Variants in CDC14A observed in about 807,000 individuals in gnomAD.
CDC14A encodes the protein dual specificity protein phosphatase CDC14A.
Under a neutral mutation model 74.4 loss-of-function variants are expected in CDC14A, and 53 were observed. The ratio of observed to expected loss-of-function variants is 0.71; its 90% CI spans 0.57 to 0.89. The LOEUF is 0.89. CDC14A is among the 40% of genes least tolerant of loss of function. CDC14A has a pLI of 0.00. For missense variants in CDC14A, 646 were observed against 713.7 expected (o/e 0.91, Z 1.08); for synonymous variants, 247 against 258.4 (o/e 0.96, Z 0.43).
chr1:100,469,660 A>G (rs1168949940), intron 10 of CDC14A, among the ~76,000 whole-genome samples: 2 of 152,186 alleles, frequency 1.3e-5, no homozygotes, highest in African/African-American at 4.8e-5. Context: ...ATGTCTTAAA[A>G]TTATTGCTTG....
chr1:100,352,673 C>T lies in CDC14A; in HGVS notation c.-282C>T. The T allele has an allele frequency of 7.7e-7, 1 of 1,293,914 alleles. No individual in the cohort carries two copies. The highest frequency in any genetic ancestry group is 9.8e-7 in the Non-Finnish European group (1 of 1,021,986). 80.2% of individuals were successfully genotyped at this position (1,293,914 alleles called of 1,614,324 possible). A position where few individuals can be genotyped will look rare whatever the true frequency, so the allele number is the denominator to read the frequency against. ...CTGCGTTTCCCAGGCGCGGCGGCGG[C>T]GGAGCAGCAGCTGCAGCAGCCGAGT... On this transcript the variant is annotated 5_prime_UTR_variant, in exon 1 of 16. Transcript: ENST00000336454.
intron 4 of CDC14A, among the ~76,000 whole-genome samples, chr1:100,395,222 A>G (rs990174678): frequency 6.6e-6 from 1 of 152,208 alleles, no homozygotes; most frequent in African/African-American, 2.4e-5. Flanking sequence ...GAGTTTCCTT[A>G]TCTGCTTCAC....
intron 1 of CDC14A, among the ~76,000 whole-genome samples, chr1:100,353,276 C>G (rs1291279052): frequency 6.6e-6 from 1 of 152,250 alleles, no homozygotes; most frequent in East Asian, 1.9e-4. Flanking sequence ...CACTCAGCAG[C>G]TCATGGGGAG....
intron 4 of CDC14A, among the ~76,000 whole-genome samples, chr1:100,416,455 A>G (rs559910401): frequency 5.6e-4 from 85 of 152,336 alleles, no homozygotes; most frequent in Non-Finnish European, 1.0e-3. Flanking sequence ...GGATGTTGAT[A>G]CTAAGGCATC....
At chr1:100,455,717 T>C (rs1038559511) in intron 8 of CDC14A, among the ~76,000 whole-genome samples, 1 of 152,230 alleles carries the variant, frequency 6.6e-6, no homozygotes, top group Non-Finnish European at 1.5e-5. Flanking sequence ...TTGCCATAAA[T>C]AGGATGTTCA....
Position 100,516,096 on chromosome 1 carries a change from G to T in CDC14A, c.1756-2155G>T, listed in dbSNP as rs575922933. ...GAGCCTAGATTAAACACCAGCCAGA[G>T]TTTTTGAGCTCTGTGGAAGTAAAGG... On this transcript the variant is annotated intron_variant, in intron 15 of 15. Coordinates refer to ENST00000336454, the MANE Select transcript of CDC14A (RefSeq NM_003672.4). Among the ~76,000 whole-genome samples, 25 of 152,318 alleles carry T rather than the reference G, an allele frequency of 1.6e-4. 1 individual carries two copies. Among genetic ancestry groups the T allele is most frequent in the Admixed American group, 9.1e-4 (14 of 15,304 alleles).
intron 13 of CDC14A, among the ~76,000 whole-genome samples, chr1:100,497,267 G>A (rs1178848603): frequency 6.6e-6 from 1 of 152,208 alleles, no homozygotes; most frequent in Non-Finnish European, 1.5e-5. Context: ...GGATGGGAAG[G>A]AGATGAGAAA....
At position 100,352,758 on chromosome 1, in the gene CDC14A, C is replaced by T; in HGVS notation, c.-197C>T. On this transcript the variant is annotated 5_prime_UTR_variant, in exon 1 of 16. Coordinates refer to ENST00000336454, the MANE Select transcript of CDC14A (RefSeq NM_003672.4). Reference sequence around the variant, plus strand: ...GCCCCGCGCGGAGCGAGCTCGGGTTCCCCTCGGAATGTCCCCGGGGCGCCC... The same window carrying T: ...GCCCCGCGCGGAGCGAGCTCGGGTTTCCCTCGGAATGTCCCCGGGGCGCCC... The T allele has an allele frequency of 1.4e-6, 2 of 1,406,436 alleles. No individual in the cohort carries two copies. Among genetic ancestry groups the T allele is most frequent in the East Asian group, 2.7e-5 (1 of 36,522 alleles). The allele number at this position is 1,406,436 out of a possible 1,614,324, so 87.1% of individuals were successfully genotyped here.
At chr1:100,362,424 T>G (rs1268194869) in intron 2 of CDC14A, among the ~76,000 whole-genome samples, 1 of 152,238 alleles carries the variant, frequency 6.6e-6, no homozygotes, top group Non-Finnish European at 1.5e-5. Context: ...AAATGCTGAT[T>G]TTTTTAATCA....
intron 2 of CDC14A, among the ~76,000 whole-genome samples, chr1:100,373,842 T>A (rs1654837308): frequency 6.6e-6 from 1 of 152,098 alleles, no homozygotes; most frequent in South Asian, 2.1e-4. Context: ...TTAGGGTACA[T>A]GTGCACAATG....
chr1:100,419,407 C>T (rs1321900061), intron 4 of CDC14A, among the ~76,000 whole-genome samples: 1 of 152,230 alleles, frequency 6.6e-6, no homozygotes, highest in Non-Finnish European at 1.5e-5. Context: ...GTGCTCTGCA[C>T]TGGTTAGCTT....
intron 4 of CDC14A, among the ~76,000 whole-genome samples, chr1:100,420,120 G>GTTTTTT (rs61463263): frequency 2.1e-5 from 1 of 48,204 alleles, no homozygotes; most frequent in African/African-American, 8.3e-5. Context: ...TGCTGAAAAG[G>GTTTTTT]TTTTTTTTTT....
At chr1:100,347,112 T>A (rs904105825) in intron 1 of CDC14A, among the ~76,000 whole-genome samples, 1 of 152,256 alleles carries the variant, frequency 6.6e-6, no homozygotes, top group Non-Finnish European at 1.5e-5. Context: ...TGACACTTTA[T>A]GGCTAATGTG....
chr1:100,502,391 G>A (rs1571354832), intron 15 of CDC14A, among the ~76,000 whole-genome samples: 1 of 152,282 alleles, frequency 6.6e-6, no homozygotes, highest in Non-Finnish European at 1.5e-5. Flanking sequence ...CTGTGTTATA[G>A]TTGCCTGCAA....
chr1:100,400,767 A>T (rs1177510894), intron 4 of CDC14A, among the ~76,000 whole-genome samples: 1 of 152,106 alleles, frequency 6.6e-6, no homozygotes, highest in African/African-American at 2.4e-5. Flanking sequence ...TCACCTCTTA[A>T]CTTTTCTTGC....
intron 3 of CDC14A, among the ~76,000 whole-genome samples, chr1:100,389,452 A>AC (rs1491141696): frequency 9.1e-6 from 1 of 110,410 alleles, no homozygotes; most frequent in Non-Finnish European, 1.9e-5. Flanking sequence ...AATCTGTCTC[A>AC]AAAAAAAAAA....
upstream of CDC14A, chr1:100,352,440 G>A: frequency 9.9e-7 from 1 of 1,007,438 alleles, no homozygotes; most frequent in Non-Finnish European, 1.2e-6. Context: ...AGGTCTGGGG[G>A]CGGACCCAGG....
intron 15 of CDC14A, chr1:100,504,745 C>T: frequency 8.2e-7 from 1 of 1,212,490 alleles, no homozygotes; most frequent in Non-Finnish European, 1.2e-6. Flanking sequence ...CTCTGTACTG[C>T]ATTTCTGTAG....
chr1:100,390,949 AT>A, intron 4 of CDC14A, 125 bp downstream of exon 4: 1 of 726,744 alleles, frequency 1.4e-6, no homozygotes, highest in African/African-American at 1.7e-5. Flanking sequence ...CAGTTTGGGA[AT>A]TGATCTGTAG....
Sources: allele counts gnomAD v4.1 joint callset (sites outside exome capture counted in the v4.1 genomes callset), GRCh38; gene constraint gnomAD v4.1.1; transcripts MANE v1.5; gene names NCBI Gene and HGNC (gene_info 2026-07-23, HGNC 2026-07-21).